The following LAMA2 variants were observed in gnomAD, a reference collection of about 807,000 sequenced individuals.
LAMA2 encodes the protein laminin subunit alpha-2.
LAMA2 carries 269 observed loss-of-function variants against 364.8 expected under a neutral mutation model. The observed-to-expected ratio is 0.74, with a 90% CI of 0.67 to 0.82. LAMA2 has a LOEUF of 0.82. LAMA2 is among the 40% of genes least tolerant of loss of function. LAMA2 has a pLI of 0.00. For synonymous variants in LAMA2, 1,379 were observed against 1,370.6 expected, an observed-to-expected ratio of 1.01 and a Z score of -0.14; for missense variants, 3,807 against 3,873.2, an observed-to-expected ratio of 0.98 and a Z score of 0.45.
At chr6:129,242,475 G>A (rs913064533) in intron 12 of LAMA2, among the ~76,000 whole-genome samples, 3 of 152,054 alleles carry the variant, frequency 2.0e-5, no homozygotes, top group Admixed American at 2.0e-4. Context: ...TGTATATTAT[G>A]AGCGTGTGGC....
chr6:128,908,248 G>C (rs1323230711), intron 1 of LAMA2, among the ~76,000 whole-genome samples: 1 of 151,260 alleles, frequency 6.6e-6, no homozygotes, highest in Non-Finnish European at 1.5e-5. Context: ...GAATTCGGCT[G>C]TGAATCCATC....
At chr6:129,435,432 A>G (rs964186977) in intron 41 of LAMA2, among the ~76,000 whole-genome samples, 5 of 152,194 alleles carry the variant, frequency 3.3e-5, no homozygotes, top group Non-Finnish European at 5.9e-5. Context: ...TTTAGTATAA[A>G]CAGTAAAAAT....
chr6:128,883,477 C>T (rs1775936575), intron 1 of LAMA2, 120 bp downstream of exon 1: 1 of 1,484,202 alleles, frequency 6.7e-7, no homozygotes, highest in Non-Finnish European at 9.1e-7. Flanking sequence ...TCAGAGAGTG[C>T]GCTCTGGGGC....
At chr6:129,137,505 T>C (rs1396671483) in intron 4 of LAMA2, among the ~76,000 whole-genome samples, 2 of 152,108 alleles carry the variant, frequency 1.3e-5, no homozygotes, top group African/African-American at 2.4e-5. Context: ...CGTATGAAGA[T>C]ACCCATATAA....
At chr6:129,264,859 A>G (rs1251496732) in intron 15 of LAMA2, among the ~76,000 whole-genome samples, 1 of 152,186 alleles carries the variant, frequency 6.6e-6, no homozygotes, top group Admixed American at 6.6e-5. Context: ...AGAGGTGGTG[A>G]CACAAAACAG....
At chr6:129,168,010 T>G (rs1361726334) in intron 9 of LAMA2, among the ~76,000 whole-genome samples, 3 of 150,866 alleles carry the variant, frequency 2.0e-5, no homozygotes, top group Non-Finnish European at 1.5e-5. Context: ...TTGATGGGGT[T>G]GTTTGTTTTT....
At chr6:129,085,787 A>T (rs910361793) in intron 3 of LAMA2, among the ~76,000 whole-genome samples, 1 of 152,194 alleles carries the variant, frequency 6.6e-6, no homozygotes, top group Non-Finnish European at 1.5e-5. Flanking sequence ...GTTAGTATAA[A>T]ATTCAGAAAA....
intron 1 of LAMA2, among the ~76,000 whole-genome samples, chr6:128,965,718 A>T (rs2114605814): frequency 6.6e-6 from 1 of 152,138 alleles, no homozygotes; most frequent in East Asian, 1.9e-4. Context: ...CTGTGTTTAA[A>T]CAGATTAAAA....
intron 2 of LAMA2, among the ~76,000 whole-genome samples, chr6:129,056,855 C>A (rs560191910): frequency 1.1e-3 from 168 of 151,740 alleles, no homozygotes; most frequent in Non-Finnish European, 2.2e-3. Context: ...CTCAGCCTCC[C>A]AAGTAGCTGG....
At chr6:128,990,761 G>A (rs1453715737) in intron 1 of LAMA2, among the ~76,000 whole-genome samples, 5 of 152,000 alleles carry the variant, frequency 3.3e-5, no homozygotes, top group African/African-American at 1.2e-4. Context: ...TTGTGTGGGT[G>A]TGTGTGTGTG....
intron 3 of LAMA2, among the ~76,000 whole-genome samples, chr6:129,093,305 T>C (rs993027158): frequency 6.6e-6 from 1 of 151,878 alleles, no homozygotes; most frequent in Non-Finnish European, 1.5e-5. Context: ...TTTTTTTTTT[T>C]TTTAAATCAA....
intron 3 of LAMA2, among the ~76,000 whole-genome samples, chr6:129,079,434 T>C (rs1276048929): frequency 6.6e-6 from 1 of 152,118 alleles, no homozygotes; most frequent in Non-Finnish European, 1.5e-5. Flanking sequence ...ATAATTCTAC[T>C]GTTAATTCTT....
At chr6:128,983,701 G>A (rs1295531769) in intron 1 of LAMA2, among the ~76,000 whole-genome samples, 1 of 152,188 alleles carries the variant, frequency 6.6e-6, no homozygotes, top group African/African-American at 2.4e-5. Flanking sequence ...AGCTGCTTTA[G>A]AGCTGAATTT....
chr6:129,049,935 C>T lies in LAMA2; in HGVS notation c.130C>T (p.Leu44=). 1 of 1,613,948 alleles carries T rather than the reference C, an allele frequency of 6.2e-7. No individual in the cohort carries two copies. The highest frequency in any genetic ancestry group is 8.5e-7 in the Non-Finnish European group (1 of 1,179,870). Residue 44 remains leucine (L), a synonymous_variant, in exon 2 of 65, where the codon CTG becomes TTG. Transcript: ENST00000421865. The part of the protein sequence containing the change: ...HQQRGLFPAV[L]NLASNALITT... ...TTTTTCAGGTTTATTCCCTGCTGTCCTGAATCTTGCTTCTAATGCTCTTAT... is the reference window on the plus strand; with the variant it reads ...TTTTTCAGGTTTATTCCCTGCTGTCTTGAATCTTGCTTCTAATGCTCTTAT...
chr6:129,079,552 TG>T (rs1228938263), intron 3 of LAMA2, among the ~76,000 whole-genome samples: 1 of 144,348 alleles, frequency 6.9e-6, no homozygotes, highest in Admixed American at 6.6e-5. Context: ...CTTCTTTTTC[TG>T]TTTTTTTTTT....
chr6:129,156,762 T>C (rs1480242638), intron 8 of LAMA2, among the ~76,000 whole-genome samples: 2 of 152,134 alleles, frequency 1.3e-5, no homozygotes, highest in Non-Finnish European at 2.9e-5. Context: ...AATTTACAGA[T>C]GCTTTAAACT....
At chr6:128,925,791 G>A (rs1380016810) in intron 1 of LAMA2, among the ~76,000 whole-genome samples, 1 of 152,000 alleles carries the variant, frequency 6.6e-6, no homozygotes, top group African/African-American at 2.4e-5. Context: ...TTCTCACATA[G>A]CAATATATGG....
chr6:129,238,232 A>G (rs1056426894), intron 12 of LAMA2, among the ~76,000 whole-genome samples: 2 of 152,164 alleles, frequency 1.3e-5, no homozygotes, highest in Admixed American at 1.3e-4. Context: ...TTTAAAATCT[A>G]ATTCAAAAAT....
At chr6:129,327,152 T>C (rs1775351197) in intron 28 of LAMA2, among the ~76,000 whole-genome samples, 1 of 152,152 alleles carries the variant, frequency 6.6e-6, no homozygotes, top group South Asian at 2.1e-4. Context: ...TTTTAGGCTG[T>C]GATAAAAGCA....
Sources: allele counts gnomAD v4.1 joint callset (sites outside exome capture counted in the v4.1 genomes callset), GRCh38; gene constraint gnomAD v4.1.1; transcripts MANE v1.5; gene names NCBI Gene and HGNC (gene_info 2026-07-23, HGNC 2026-07-21).